The following ETV6 variants were observed in gnomAD, a reference collection of about 807,000 sequenced individuals.
ETV6 encodes ETS variant transcription factor 6.
Under a neutral mutation model 51.1 loss-of-function variants are expected in ETV6, and 16 were observed. The ratio of observed to expected loss-of-function variants is 0.31; its 90% CI spans 0.21 to 0.48. The LOEUF (loss-of-function observed/expected upper bound fraction) is 0.48. ETV6 is among the 20% of genes least tolerant of loss of function. ETV6 has a pLI of 0.99. For missense variants in ETV6, 458 were observed against 594.8 expected, an observed-to-expected ratio of 0.77 and a Z score of 2.39; for synonymous variants, 240 against 224.1, an observed-to-expected ratio of 1.07 and a Z score of -0.64.
At chr12:11,690,629 G>A (rs1003080454) in intron 1 of ETV6, among the ~76,000 whole-genome samples, 7 of 151,920 alleles carry the variant, frequency 4.6e-5, no homozygotes, top group Non-Finnish European at 7.4e-5. Flanking sequence ...TGGCTCATGC[G>A]TGTAATCCTA....
chr12:11,752,725 C>T (rs139303040), intron 2 of ETV6, 146 bp downstream of exon 2: 1 of 977,158 alleles, frequency 1.0e-6, no homozygotes, highest in Non-Finnish European at 1.4e-6. Context: ...TCACACCCCC[C>T]TACCCCCAGA....
At chr12:11,712,854 T>C (rs563815107) in intron 1 of ETV6, among the ~76,000 whole-genome samples, 2 of 152,282 alleles carry the variant, frequency 1.3e-5, no homozygotes, top group Admixed American at 1.3e-4. Flanking sequence ...TCGCAGGAGT[T>C]TGTGAGCATC....
chr12:11,718,122 A>G (rs1471983479), intron 1 of ETV6, among the ~76,000 whole-genome samples: 2 of 152,158 alleles, frequency 1.3e-5, no homozygotes, highest in Non-Finnish European at 1.5e-5. Flanking sequence ...AGTTTCCGAA[A>G]CTTCCAAAAA....
intron 1 of ETV6, among the ~76,000 whole-genome samples, chr12:11,690,439 T>A (rs1864732407): frequency 1.3e-5 from 2 of 152,054 alleles, no homozygotes; most frequent in African/African-American, 4.8e-5. Flanking sequence ...ATCTTCATAT[T>A]TTTATGCTGG....
intron 1 of ETV6, among the ~76,000 whole-genome samples, chr12:11,657,650 G>C (rs999872783): frequency 3.3e-5 from 5 of 152,196 alleles, no homozygotes; most frequent in African/African-American, 9.7e-5. Flanking sequence ...GCCTCCCTGG[G>C]GGTATTTTCC....
chr12:11,736,599 C>CT (rs1337977341), intron 1 of ETV6, among the ~76,000 whole-genome samples: 2 of 152,060 alleles, frequency 1.3e-5, no homozygotes, highest in Non-Finnish European at 2.9e-5. Flanking sequence ...TGTAAAGTAT[C>CT]TATTTCGAGA....
chr12:11,733,460 C>G (rs547738387), intron 1 of ETV6, among the ~76,000 whole-genome samples: 1 of 150,034 alleles, frequency 6.7e-6, no homozygotes, highest in South Asian at 2.1e-4. Context: ...CTTAGCCCTT[C>G]AAGCCCCCGC....
intron 1 of ETV6, among the ~76,000 whole-genome samples, chr12:11,660,976 G>A (rs547411991): frequency 2.6e-4 from 40 of 152,298 alleles, no homozygotes; most frequent in Admixed American, 7.2e-4. Flanking sequence ...GATTGGATCC[G>A]TGGTGCATTT....
At chr12:11,851,416 T>C (rs1353206250) in intron 3 of ETV6, among the ~76,000 whole-genome samples, 1 of 152,192 alleles carries the variant, frequency 6.6e-6, no homozygotes, top group Admixed American at 6.5e-5. Context: ...TAGGGGCTTA[T>C]TTTTGTATGA....
chr12:11,789,162 A>G (rs572040551), intron 2 of ETV6, among the ~76,000 whole-genome samples: 4 of 151,906 alleles, frequency 2.6e-5, no homozygotes, highest in Non-Finnish European at 5.9e-5. Context: ...CCTCCCGAGT[A>G]GCTGGGATTA....
At chr12:11,838,109 G>T (rs1050321927) in intron 2 of ETV6, among the ~76,000 whole-genome samples, 3 of 152,182 alleles carry the variant, frequency 2.0e-5, no homozygotes, top group Admixed American at 6.5e-5. Context: ...ATGGAAGATG[G>T]CTGGACGCTC....
At chr12:11,733,436 A>G (rs1865641537) in intron 1 of ETV6, among the ~76,000 whole-genome samples, 1 of 149,968 alleles carries the variant, frequency 6.7e-6, no homozygotes, top group Non-Finnish European at 1.5e-5. Context: ...AAAAAAATTA[A>G]CCACTTCATT....
chr12:11,871,096 C>T (rs191091831), intron 5 of ETV6, among the ~76,000 whole-genome samples: 18 of 152,156 alleles, frequency 1.2e-4, no homozygotes, highest in African/African-American at 3.4e-4. Context: ...GCCCATGACC[C>T]GGTGAGAGCT....
chr12:11,781,216 A>G (rs530801761), intron 2 of ETV6, among the ~76,000 whole-genome samples: 49 of 152,324 alleles, frequency 3.2e-4, no homozygotes, highest in African/African-American at 1.0e-3. Context: ...GAAGGACCTC[A>G]GAGATGATAT....
intron 5 of ETV6, among the ~76,000 whole-genome samples, chr12:11,871,394 G>A (rs1452704475): frequency 6.6e-6 from 1 of 152,048 alleles, no homozygotes; most frequent in Non-Finnish European, 1.5e-5. Flanking sequence ...GTTTCACCAT[G>A]TTAGCCAGGA....
At chr12:11,879,170 C>CA (rs903496546) in intron 5 of ETV6, among the ~76,000 whole-genome samples, 1 of 152,002 alleles carries the variant, frequency 6.6e-6, no homozygotes, top group African/African-American at 2.4e-5. Flanking sequence ...TAATAAATTT[C>CA]AAAAAATGTA....
At chr12:11,866,711 C>CT (rs1946795126) in intron 4 of ETV6, among the ~76,000 whole-genome samples, 2 of 152,212 alleles carry the variant, frequency 1.3e-5, no homozygotes, top group African/African-American at 4.8e-5. Context: ...ACTCTGAACT[C>CT]TGTCTCCACT....
In ETV6 at chr12:11,894,984, C is replaced by T. The variant is rs1475772468; in HGVS notation, c.*3938C>T. The T allele has an allele frequency of 4.3e-6, 1 of 233,566 alleles. No homozygotes were observed. Among genetic ancestry groups the T allele is most frequent in the African/African-American group, 2.2e-5 (1 of 45,336 alleles). 14.5% of individuals were successfully genotyped at this position (233,566 alleles called of 1,614,324 possible). ...CTCCTCTTCGGAGTAGAAATAAAGG[C>T]TGTGACACAAGGAAGCCAGTGGGGT... On this transcript the variant is annotated 3_prime_UTR_variant, in exon 8 of 8. Transcript: ENST00000396373.
At chr12:11,668,533 A>G (rs1370698494) in intron 1 of ETV6, among the ~76,000 whole-genome samples, 2 of 152,116 alleles carry the variant, frequency 1.3e-5, no homozygotes, top group African/African-American at 2.4e-5. Flanking sequence ...CTAGTCTTCT[A>G]TGTGGTAAAG....
Sources: allele counts gnomAD v4.1 joint callset (sites outside exome capture counted in the v4.1 genomes callset), GRCh38; gene constraint gnomAD v4.1.1; transcripts MANE v1.5; gene names NCBI Gene and HGNC (gene_info 2026-07-23, HGNC 2026-07-21).